PPFIA2: variants seen among roughly 807,000 people sequenced by gnomAD.
PPFIA2 encodes the protein liprin-alpha-2.
Under a neutral mutation model 175.5 loss-of-function variants are expected in PPFIA2, and 46 were observed. The observed-to-expected ratio is 0.26, with a 90% CI of 0.21 to 0.34. The LOEUF (loss-of-function observed/expected upper bound fraction) is 0.34, where lower values mean the gene tolerates loss of function less well. PPFIA2 is among the 10% of genes least tolerant of loss of function. The pLI is 1.00. For missense variants in PPFIA2, 1,179 were observed against 1,506.1 expected, an observed-to-expected ratio of 0.78 and a Z score of 3.60; for synonymous variants, 568 against 511.4, an observed-to-expected ratio of 1.11 and a Z score of -1.49.
At chr12:81,491,798 T>C (rs2059445290) in intron 4 of PPFIA2, among the ~76,000 whole-genome samples, 1 of 152,014 alleles carries the variant, frequency 6.6e-6, no homozygotes, top group African/African-American at 2.4e-5. Flanking sequence ...AAGGTCATCA[T>C]GTACTAGTCT....
intron 4 of PPFIA2, among the ~76,000 whole-genome samples, chr12:81,535,770 C>T (rs1211271034): frequency 6.6e-6 from 1 of 151,578 alleles, no homozygotes; most frequent in East Asian, 1.9e-4. Context: ...TCATAGAAAA[C>T]AGGAAAATTT....
rs561244946 is a variant in PPFIA2, at chr12:81,640,056, C to T, written c.303+36735G>A. On this transcript the variant is annotated intron_variant, in intron 4 of 32. Coordinates refer to ENST00000549396, the MANE Select transcript of PPFIA2 (RefSeq NM_003625.5). The stretch of plus-strand genomic sequence containing the variant: ...TTAGTTTTTGAAATATTTGAAGTTT[C>T]GGAAAACTTAGCTGTATTTAATGAC... Among the ~76,000 whole-genome samples the T allele has an allele frequency of 9.2e-5, 14 of 152,090 alleles. No individual in the cohort carries two copies. In the South Asian group the frequency reaches 1.7e-3, roughly 18 times the overall value.
chr12:81,494,860 C>T (rs369384157), intron 4 of PPFIA2, among the ~76,000 whole-genome samples: 36 of 146,558 alleles, frequency 2.5e-4, no homozygotes, highest in Middle Eastern at 3.5e-3. Context: ...AACCAAACAC[C>T]GCATGTTCTC....
intron 21 of PPFIA2, among the ~76,000 whole-genome samples, chr12:81,328,818 C>CTTTCT (rs1555269098): frequency 2.2e-5 from 3 of 134,656 alleles, no homozygotes; most frequent in Non-Finnish European, 4.7e-5. Flanking sequence ...TTCTTTCTTT[C>CTTTCT]TTTTTTTTTT....
chr12:81,441,740 T>C (rs1005320588), intron 6 of PPFIA2, among the ~76,000 whole-genome samples: 2 of 152,218 alleles, frequency 1.3e-5, no homozygotes, highest in Non-Finnish European at 2.9e-5. Flanking sequence ...AGACGTGTGA[T>C]GTTTAACAGG....
intron 8 of PPFIA2, among the ~76,000 whole-genome samples, chr12:81,390,926 C>A (rs1381018635): frequency 6.6e-6 from 1 of 151,394 alleles, no homozygotes; most frequent in Admixed American, 6.6e-5. Context: ...TATTAATGAT[C>A]AAATACAATG....
chr12:81,325,452 A>G (rs1052635530), intron 22 of PPFIA2, among the ~76,000 whole-genome samples: 1 of 152,150 alleles, frequency 6.6e-6, no homozygotes, highest in African/African-American at 2.4e-5. Context: ...GCTAGATGGT[A>G]TAATCTCATT....
chr12:81,331,168 C>T (rs2056044280), intron 21 of PPFIA2, among the ~76,000 whole-genome samples: 1 of 152,188 alleles, frequency 6.6e-6, no homozygotes, highest in Non-Finnish European at 1.5e-5. Context: ...TGACAGTGTT[C>T]CCATAAAACT....
rs565635949 is a variant in PPFIA2 at position 81,690,811 on chromosome 12, T to C, written c.250-13967A>G. ...TCTGCAGACTTCAGAGGAGAATCCA[T>C]TTCCTTGCCTTATCCAGCTTTTAAA... On this transcript the variant is annotated intron_variant, in intron 3 of 32. Coordinates refer to ENST00000549396, the MANE Select transcript of PPFIA2 (RefSeq NM_003625.5). Among the ~76,000 whole-genome samples, 24 of 152,248 alleles carry C rather than the reference T, an allele frequency of 1.6e-4. No homozygotes were observed. In the South Asian group the frequency reaches 4.6e-3, roughly 29 times the overall value.
chr12:81,580,357 T>A (rs1465154075), intron 4 of PPFIA2, among the ~76,000 whole-genome samples: 1 of 151,730 alleles, frequency 6.6e-6, no homozygotes, highest in African/African-American at 2.4e-5. Context: ...AACACTCAGC[T>A]CTGTATGACT....
chr12:81,454,603 G>A (rs1237307896), intron 5 of PPFIA2, among the ~76,000 whole-genome samples: 1 of 151,916 alleles, frequency 6.6e-6, no homozygotes, highest in African/African-American at 2.4e-5. Flanking sequence ...TTTGGAAGAT[G>A]GTATAATTCA....
intron 7 of PPFIA2, chr12:81,431,459 A>C (rs1325300906): frequency 6.6e-6 from 1 of 152,222 alleles, no homozygotes; most frequent in Non-Finnish European, 1.5e-5. Flanking sequence ...CATGTAATCA[A>C]CATTAACAAT....
At chr12:81,339,668 C>T (rs1280354447) in intron 20 of PPFIA2, among the ~76,000 whole-genome samples, 2 of 151,946 alleles carry the variant, frequency 1.3e-5, no homozygotes, top group African/African-American at 4.8e-5. Context: ...GATCCATTGT[C>T]TATTTATTTC....
chr12:81,358,097 T>A lies in PPFIA2; in HGVS notation c.1758A>T (p.Arg586=), dbSNP rs1244892914. The change falls in exon 16 of 33, where the codon CGA becomes CGT. Residue 586 remains arginine, a synonymous_variant. Transcript: ENST00000549396. The part of the protein sequence containing the change: ...RRPRRGRMGV[R]RDEPKVKSLG... ...AAAGATTAACCTTTGGCTCATCTCT[T>A]CGCACACCCATGCGGCCTCTCCTTG... The A allele has an allele frequency of 6.2e-7, 1 of 1,604,204 alleles. No individual in the cohort carries two copies. Among genetic ancestry groups the A allele is most frequent in the East Asian group, 2.2e-5 (1 of 44,550 alleles).
intron 3 of PPFIA2, among the ~76,000 whole-genome samples, chr12:81,744,480 T>C (rs1224118664): frequency 6.7e-6 from 1 of 150,030 alleles, no homozygotes; most frequent in African/African-American, 2.4e-5. Context: ...CTAAGTGCAA[T>C]GGCACGATCT....
At chr12:81,500,728 T>G (rs1313130343) in intron 4 of PPFIA2, among the ~76,000 whole-genome samples, 2 of 152,206 alleles carry the variant, frequency 1.3e-5, no homozygotes, top group Non-Finnish European at 2.9e-5. Flanking sequence ...AGTTTCCGTT[T>G]CAAAAAGTCA....
chr12:81,660,754 C>T (rs1258407055), intron 4 of PPFIA2, among the ~76,000 whole-genome samples: 1 of 152,102 alleles, frequency 6.6e-6, no homozygotes, highest in Non-Finnish European at 1.5e-5. Flanking sequence ...GTCAGATTCA[C>T]CAAAGTTGAA....
intron 4 of PPFIA2, among the ~76,000 whole-genome samples, chr12:81,500,937 G>C (rs996475046): frequency 6.6e-6 from 1 of 152,136 alleles, no homozygotes; most frequent in Non-Finnish European, 1.5e-5. Context: ...AGCTGCTTCA[G>C]GGAAGAGGTC....
rs114573155 is a variant in PPFIA2 at position 81,584,442 on chromosome 12, A to C, written c.303+92349T>G. Among the ~76,000 whole-genome samples, 1,061 of 151,946 alleles carry C rather than the reference A, an allele frequency of 7.0e-3. 10 individuals are homozygous for C. Among genetic ancestry groups the C allele is most frequent in the African/African-American group, 0.024 (1,004 of 41,502 alleles). ...CCTATTATAACCTCAGAGCTGGATCATCTTAAAAAGAGCAGAATAATAATG... is the reference window on the plus strand; with the variant it reads ...CCTATTATAACCTCAGAGCTGGATCCTCTTAAAAAGAGCAGAATAATAATG... On this transcript the variant is annotated intron_variant, in intron 4 of 32. Transcript: ENST00000549396.
Sources: gnomAD v4.1 joint callset for allele counts (sites outside exome capture counted in the v4.1 genomes callset) on GRCh38, gnomAD v4.1.1 for gene constraint, MANE v1.5 for transcripts, NCBI Gene and HGNC (gene_info 2026-07-23, HGNC 2026-07-21) for gene names.